The following CPM variants were observed in gnomAD, a reference collection of about 807,000 sequenced individuals.
CPM encodes the protein renal carboxypeptidase.
In CPM, 35 loss-of-function variants were observed where a neutral mutation model predicts 46.4. That is an observed-to-expected ratio of 0.75 (90% CI 0.58 to 1.00). The LOEUF is 1.00. Ranked by LOEUF, CPM falls within the 50% of genes least tolerant of loss-of-function variation. The pLI is 0.00. For missense variants in CPM, 422 were observed against 530.4 expected (o/e 0.80, Z 2.01); for synonymous variants, 195 against 195.3 (o/e 1.00, Z 0.01).
intron 2 of CPM, among the ~76,000 whole-genome samples, chr12:68,925,997 A>AC (rs918992820): frequency 3.3e-5 from 5 of 152,198 alleles, no homozygotes; most frequent in Admixed American, 3.3e-4. Flanking sequence ...GTTCACTGCA[A>AC]CCTCCACCTC....
At chr12:68,949,053 AT>A (rs1394841957) in intron 1 of CPM, among the ~76,000 whole-genome samples, 1 of 152,184 alleles carries the variant, frequency 6.6e-6, no homozygotes, top group Non-Finnish European at 1.5e-5. Context: ...CCTATCAAGT[AT>A]TTTGTATGTA....
chr12:68,935,293 C>T (rs182975496), upstream of CPM, among the ~76,000 whole-genome samples: 19 of 151,812 alleles, frequency 1.3e-4, no homozygotes, highest in East Asian at 3.7e-3. Context: ...TACAGTCTCA[C>T]TCTGTTGCCC....
rs143559869 is a variant in CPM, at chr12:68,918,242, C to T, written c.160+14436G>A. ...CTACTCTATCAGACTAACTGTGTGA[C>T]GGTGCTATAGCTCGATTCTGGCCTT... On this transcript the variant is annotated intron_variant, in intron 2 of 8. Transcript: ENST00000551568. 6.4e-3 allele frequency among the ~76,000 whole-genome samples: 973 copies of T among 152,268 alleles called. 11 individuals are homozygous for T. Among genetic ancestry groups the T allele is most frequent in the South Asian group, 0.035 (171 of 4,826 alleles).
intron 6 of CPM, among the ~76,000 whole-genome samples, chr12:68,868,331 C>CA (rs967944407): frequency 1.3e-5 from 2 of 152,122 alleles, no homozygotes; most frequent in Admixed American, 1.3e-4. Context: ...GGAAAACTGA[C>CA]AGAGAGCCAC....
At chr12:68,850,665 A>C (rs1261129336), downstream of CPM, 1 of 152,192 alleles carries the variant, frequency 6.6e-6, no homozygotes, top group Non-Finnish European at 1.5e-5. Context: ...GAAATCAATA[A>C]AATTTGTTAT....
intron 3 of CPM, among the ~76,000 whole-genome samples, chr12:68,884,407 C>T (rs1886343451): frequency 1.3e-5 from 2 of 152,108 alleles, no homozygotes. Context: ...CAAGAAGTAT[C>T]CTCTCTCAGC....
chr12:68,842,346 TATAAC>T, intron 5 of CPM: 1 of 495,864 alleles, frequency 2.0e-6, no homozygotes, highest in Non-Finnish European at 4.0e-6. Context: ...GAAAAGATGA[TATAAC>T]AGTTAACAGG....
downstream of CPM, chr12:68,847,410 T>C: frequency 6.7e-6 from 1 of 148,576 alleles, no homozygotes; most frequent in South Asian, 2.1e-4. Flanking sequence ...CCTTTGTATC[T>C]TCTTGCCATA....
Position 68,855,676 on chromosome 12 carries a change from T to G in CPM, c.*761A>C, listed in dbSNP as rs1209193712. 2 of 152,050 alleles carry G rather than the reference T, an allele frequency of 1.3e-5. No individual in the cohort carries two copies. The highest frequency in any genetic ancestry group is 2.9e-5 in the Non-Finnish European group (2 of 68,008). 9.4% of individuals were successfully genotyped at this position (152,050 alleles called of 1,614,324 possible). On this transcript the variant is annotated 3_prime_UTR_variant, in exon 9 of 9. Transcript: ENST00000551568. ...TCCCTTCTTCTGAGAACTAATTATA[T>G]ATGGCACTTAATATCTATTCACATG... is the stretch of plus-strand genomic sequence containing the variant.
intron 2 of CPM, among the ~76,000 whole-genome samples, chr12:68,922,657 C>A (rs1474153979): frequency 1.3e-5 from 2 of 151,026 alleles, no homozygotes; most frequent in Admixed American, 6.6e-5. Flanking sequence ...GAGATTAAGC[C>A]CTCCAGTTGA....
chr12:68,957,336 A>T (rs1420805238), intron 1 of CPM: 4 of 169,752 alleles, frequency 2.4e-5, no homozygotes, highest in African/African-American at 7.3e-5. Context: ...AAAAAAAAAA[A>T]GTGGTCATGG....
In CPM at chr12:68,864,211, G is replaced by A. The variant is rs537052612; in HGVS notation, c.940+2685C>T. Among the ~76,000 whole-genome samples, 16 of 152,346 alleles carry A rather than the reference G, an allele frequency of 1.1e-4. No homozygotes were observed. In the East Asian group the frequency reaches 2.5e-3, roughly 24 times the overall value. On this transcript the variant is annotated intron_variant, in intron 7 of 8. Transcript: ENST00000551568. ...TGTAATCCCAGCACTCTGGGAGGCC[G>A]AGGCCGGCGGATCACCTGAGGTCAG...
At position 68,940,150 on chromosome 12, in the gene CPM, G is replaced by C. The variant is rs1248759287; in HGVS notation, c.-3-7310C>G. Among the ~76,000 whole-genome samples, 5 of 146,940 alleles carry C rather than the reference G, an allele frequency of 3.4e-5. No individual in the cohort carries two copies. In the East Asian group the frequency reaches 7.9e-4, roughly 23 times the overall value. On this transcript the variant is annotated intron_variant, in intron 1 of 8. Coordinates refer to the CPM transcript ENST00000546373. The stretch of plus-strand genomic sequence containing the variant: ...TCATTTTTTAAAATTAATTTTTTTA[G>C]AGCAGTTTGAGATTTGCAGAAAAAT...
intron 3 of CPM, 64 bp from the exon 4 acceptor site, chr12:68,872,020 A>T (rs1308425834): frequency 3.9e-6 from 6 of 1,557,150 alleles, no homozygotes; most frequent in Non-Finnish European, 5.3e-6. Flanking sequence ...AGCACTCCCT[A>T]CGGTACAAAT....
chr12:68,923,842 C>T (rs1393176175), intron 2 of CPM, among the ~76,000 whole-genome samples: 4 of 152,130 alleles, frequency 2.6e-5, no homozygotes, highest in Non-Finnish European at 5.9e-5. Flanking sequence ...CTCTCAGTCA[C>T]GTTAAGAGCA....
At chr12:68,865,270 C>T (rs1885385770) in intron 7 of CPM, among the ~76,000 whole-genome samples, 1 of 152,194 alleles carries the variant, frequency 6.6e-6, no homozygotes, top group Non-Finnish European at 1.5e-5. Context: ...TATTTCATAA[C>T]ATCCCCTATC....
At chr12:68,890,658 C>A (rs1886617688) in intron 2 of CPM, among the ~76,000 whole-genome samples, 1 of 152,280 alleles carries the variant, frequency 6.6e-6, no homozygotes, top group African/African-American at 2.4e-5. Context: ...GTTCTTTCAG[C>A]AGCATGCTGC....
intron 2 of CPM, among the ~76,000 whole-genome samples, chr12:68,920,136 A>G (rs1362731140): frequency 6.6e-6 from 1 of 152,190 alleles, no homozygotes; most frequent in Non-Finnish European, 1.5e-5. Context: ...ACCTTCTGCC[A>G]TGAGTAAAAG....
At chr12:68,874,939 C>T (rs777395753) in intron 3 of CPM, among the ~76,000 whole-genome samples, 12 of 151,886 alleles carry the variant, frequency 7.9e-5, no homozygotes, top group East Asian at 1.9e-4. Flanking sequence ...TTCACCCAAC[C>T]GAAAGAAAGT....
Sources: gnomAD v4.1 joint callset for allele counts (sites outside exome capture counted in the v4.1 genomes callset) on GRCh38, gnomAD v4.1.1 for gene constraint, MANE v1.5 for transcripts, NCBI Gene and HGNC (gene_info 2026-07-23, HGNC 2026-07-21) for gene names.